MRS2: variants seen among roughly 807,000 people sequenced by gnomAD.
MRS2 encodes magnesium transporter MRS2.
MRS2 carries 40 observed loss-of-function variants against 52.6 expected under a neutral mutation model. The ratio of observed to expected loss-of-function variants is 0.76; its 90% confidence interval spans 0.59 to 0.99. The LOEUF (loss-of-function observed/expected upper bound fraction) is 0.99, where lower values mean the gene tolerates loss of function less well. Among genes scored for constraint, MRS2 ranks in the 50% least tolerant of loss-of-function variants. The pLI is 0.00. For synonymous variants in MRS2, 193 were observed against 195.9 expected (o/e 0.98, Z 0.13); for missense variants, 472 against 532.7 (o/e 0.89, Z 1.12).
rs145415908 is a variant in MRS2 at position 24,409,404 on chromosome 6, A to G, written c.302-57A>G. 6.2e-5 allele frequency: 69 copies of G among 1,111,532 alleles called. No homozygotes were observed. The African/African-American group carries it at 1.0e-3, about 16-fold the overall frequency. 68.9% of individuals were successfully genotyped at this position (1,111,532 alleles called of 1,614,324 possible). A position where few individuals can be genotyped will look rare whatever the true frequency, so the allele number is the denominator to read the frequency against. ...GTGGTGGGAGGACTGCTCTGATGGA[A>G]AAATCTAAGCCATTTAATGTATTTG... On this transcript the variant is annotated intron_variant, in intron 3 of 10. Coordinates refer to ENST00000378386, the MANE Select transcript of MRS2 (RefSeq NM_020662.4).
At chr6:24,423,116 C>G in intron 10 of MRS2, 66 bp downstream of exon 10, 1 of 1,311,938 alleles carries the variant, frequency 7.6e-7, no homozygotes, top group Non-Finnish European at 1.1e-6. Flanking sequence ...AAAGTCAGAG[C>G]GCCTGGGATT....
At chr6:24,419,841 C>A (rs1409835222) in intron 9 of MRS2, among the ~76,000 whole-genome samples, 1 of 152,152 alleles carries the variant, frequency 6.6e-6, no homozygotes, top group Non-Finnish European at 1.5e-5. Flanking sequence ...CCTTGCATAT[C>A]TGCAGATACA....
intron 9 of MRS2, among the ~76,000 whole-genome samples, chr6:24,420,534 G>C (rs919761332): frequency 1.3e-5 from 2 of 152,218 alleles, no homozygotes; most frequent in Non-Finnish European, 2.9e-5. Flanking sequence ...CCATTTAGCA[G>C]TGAGTCTGCC....
intron 4 of MRS2, among the ~76,000 whole-genome samples, 195 bp from the exon 5 acceptor site, chr6:24,412,023 AAAAC>A (rs1254499110): frequency 6.6e-5 from 10 of 151,080 alleles, no homozygotes; most frequent in African/African-American, 1.9e-4. Context: ...ATTTTTTTGA[AAAAC>A]AAAAATGAAC....
In MRS2 at chr6:24,425,959, A is replaced by G. The variant is rs1277234392; in HGVS notation, c.*2265A>G. 1.3e-5 allele frequency: 2 copies of G among 152,200 alleles called. No homozygotes were observed. The highest frequency in any genetic ancestry group is 4.8e-5 in the African/African-American group (2 of 41,456). 9.4% of individuals were successfully genotyped at this position (152,200 alleles called of 1,614,324 possible). On this transcript the variant is annotated 3_prime_UTR_variant, in exon 11 of 11. Transcript: ENST00000378386. ...CTCATGACTTTAGTAATACCTACAGAGGTGAGCTAATGGATGGTACATGGA... is the reference window on the plus strand; with the variant it reads ...CTCATGACTTTAGTAATACCTACAGGGGTGAGCTAATGGATGGTACATGGA...
Position 24,408,436 on chromosome 6 carries a change from C to G in MRS2, c.293C>G (p.Thr98Ser). 5 of 1,582,362 alleles carry G rather than the reference C, an allele frequency of 3.2e-6. No individual in the cohort carries two copies. The highest frequency in any genetic ancestry group is 4.3e-6 in the Non-Finnish European group (5 of 1,152,682). ...VTKFDKQGNV[T>S]SFERKKTELY... ...AAATTTGACAAACAGGGAAACGTTACTTCTTTTGGTGAGTGATTAGCATTC... is the reference window on the plus strand; with the variant it reads ...AAATTTGACAAACAGGGAAACGTTAGTTCTTTTGGTGAGTGATTAGCATTC... Residue 98 changes from threonine (T) to serine (S), a missense_variant, in exon 3 of 11, where the codon ACT (threonine) becomes AGT (serine). By Grantham distance (58) the Thr-to-Ser change is moderately conservative. Coordinates refer to ENST00000378386, the MANE Select transcript of MRS2 (RefSeq NM_020662.4).
intron 7 of MRS2, among the ~76,000 whole-genome samples, chr6:24,417,855 C>T (rs1761901941): frequency 6.6e-6 from 1 of 151,516 alleles, no homozygotes; most frequent in Non-Finnish European, 1.5e-5. Context: ...AGCAGGAGAA[C>T]AGCTTGAACC....
chr6:24,416,594 C>A, intron 7 of MRS2, 81 bp downstream of exon 7: 1 of 778,528 alleles, frequency 1.3e-6, no homozygotes, highest in Non-Finnish European at 2.2e-6. Context: ...ATTTTTCATA[C>A]AGAATGTAAC....
chr6:24,423,276 AAC>A (rs1244752469), intron 10 of MRS2: 4 of 504,658 alleles, frequency 7.9e-6, no homozygotes. Flanking sequence ...CACACTGCCT[AAC>A]ACAATAAGTT....
At chr6:24,409,811 T>C (rs1761593717) in intron 4 of MRS2, among the ~76,000 whole-genome samples, 1 of 152,210 alleles carries the variant, frequency 6.6e-6, no homozygotes, top group South Asian at 2.1e-4. Context: ...GCTCTGACTG[T>C]GGTGTTCATT....
chr6:24,417,766 A>C (rs1476358163), intron 7 of MRS2, among the ~76,000 whole-genome samples: 2 of 151,976 alleles, frequency 1.3e-5, no homozygotes, highest in African/African-American at 4.8e-5. Flanking sequence ...ATATGGTGAA[A>C]CCCCATCTCT....
At chr6:24,418,053 G>A in intron 7 of MRS2, 31 bp from the exon 8 acceptor site, 4 of 1,591,724 alleles carry the variant, frequency 2.5e-6, no homozygotes, top group South Asian at 2.3e-5. Context: ...CATGTTGGGA[G>A]TATGTTAATT....
chr6:24,404,357 A>G (rs1293672317), intron 1 of MRS2, among the ~76,000 whole-genome samples: 1 of 152,234 alleles, frequency 6.6e-6, no homozygotes, highest in Non-Finnish European at 1.5e-5. Flanking sequence ...ACCTTTATTC[A>G]TCTTACCCTT....
chr6:24,407,604 C>T (rs2127283305), intron 2 of MRS2, among the ~76,000 whole-genome samples: 1 of 152,246 alleles, frequency 6.6e-6, no homozygotes, highest in South Asian at 2.1e-4. Context: ...GAAATAGGTG[C>T]ATTTTCTGTA....
At position 24,418,471 on chromosome 6, in the gene MRS2, G is replaced by A. The variant is rs150621144; in HGVS notation, c.1000G>A (p.Val334Met). The A allele has an allele frequency of 1.9e-6, 3 of 1,614,034 alleles. No individual in the cohort carries two copies. Among genetic ancestry groups the A allele is most frequent in the Non-Finnish European group, 1.7e-6 (2 of 1,180,004 alleles). Residue 334 changes from valine to methionine, a missense_variant, in exon 9 of 11, where the codon GTG becomes ATG. Coordinates refer to ENST00000378386, the MANE Select transcript of MRS2 (RefSeq NM_020662.4). ...IFINLDSHRN[V>M]MMRLNLQLTM... ...TGTTCTCCTCTCCAGCCACCGAAAC[G>A]TGATGATGAGGTTGAATCTACAGCT...
intron 2 of MRS2, 43 bp from the exon 3 acceptor site, chr6:24,408,365 A>C (rs902442037): frequency 7.7e-7 from 1 of 1,304,328 alleles, no homozygotes. Context: ...GTAGCATTCT[A>C]ATTTGAAAGA....
At chr6:24,420,413 A>G (rs1762006292) in intron 9 of MRS2, among the ~76,000 whole-genome samples, 1 of 152,252 alleles carries the variant, frequency 6.6e-6, no homozygotes, top group African/African-American at 2.4e-5. Flanking sequence ...AAGCAAAGAC[A>G]GTATTAGTCA....
chr6:24,406,134 C>T (rs1312970717), intron 2 of MRS2, among the ~76,000 whole-genome samples: 2 of 148,546 alleles, frequency 1.3e-5, no homozygotes, highest in African/African-American at 2.5e-5. Context: ...TGTGCCTATT[C>T]TGAGCCAGAC....
At chr6:24,419,377 C>G (rs1162718718) in intron 9 of MRS2, 1 of 152,112 alleles carries the variant, frequency 6.6e-6, no homozygotes, top group African/African-American at 2.4e-5. Flanking sequence ...ACTTTGTTTC[C>G]CAAAACATAT....
Sources: gnomAD v4.1 joint callset for allele counts (sites outside exome capture counted in the v4.1 genomes callset) on GRCh38, gnomAD v4.1.1 for gene constraint, MANE v1.5 for transcripts, NCBI Gene and HGNC (gene_info 2026-07-23, HGNC 2026-07-21) for gene names.